The following FRMD4A variants were observed in gnomAD, a reference collection of about 807,000 sequenced individuals.
FRMD4A encodes FERM domain-containing protein 4A.
In FRMD4A, 29 loss-of-function variants were observed where a neutral mutation model predicts 129.1. The ratio of observed to expected loss-of-function variants is 0.22; its 90% CI spans 0.17 to 0.31. FRMD4A has a LOEUF of 0.31. FRMD4A is among the 10% of genes least tolerant of loss of function. The pLI is 1.00. For synonymous variants in FRMD4A, 634 were observed against 571.6 expected (o/e 1.11, Z -1.56); for missense variants, 1,272 against 1,375.8 (o/e 0.92, Z 1.19).
intron 2 of FRMD4A, among the ~76,000 whole-genome samples, chr10:13,926,533 T>C (rs2095135480): frequency 6.6e-6 from 1 of 152,210 alleles, no homozygotes; most frequent in East Asian, 1.9e-4. Flanking sequence ...AGAAGCCTGC[T>C]AGAGATTTAC....
chr10:14,185,362 G>A (rs1286090115), intron 2 of FRMD4A, among the ~76,000 whole-genome samples: 2 of 152,170 alleles, frequency 1.3e-5, no homozygotes, highest in East Asian at 3.8e-4. Flanking sequence ...AGAGATCTGT[G>A]TGTCTAAACC....
At chr10:14,191,657 G>A (rs1203637999) in intron 2 of FRMD4A, among the ~76,000 whole-genome samples, 1 of 152,218 alleles carries the variant, frequency 6.6e-6, no homozygotes, top group African/African-American at 2.4e-5. Flanking sequence ...CCAATCATCA[G>A]TCTTTAACTA....
chr10:13,746,123 C>A (rs574358895), intron 9 of FRMD4A, among the ~76,000 whole-genome samples: 1 of 152,140 alleles, frequency 6.6e-6, no homozygotes. Context: ...ACGCCAGACA[C>A]GGAAGGGAGC....
At chr10:14,176,723 C>T (rs1009591030) in intron 2 of FRMD4A, among the ~76,000 whole-genome samples, 6 of 152,074 alleles carry the variant, frequency 3.9e-5, no homozygotes, top group South Asian at 2.1e-4. Context: ...TCCACCCCCT[C>T]GGCCTCCCAA....
chr10:14,084,115 G>A (rs986566800), intron 2 of FRMD4A, among the ~76,000 whole-genome samples: 1 of 152,122 alleles, frequency 6.6e-6, no homozygotes, highest in Non-Finnish European at 1.5e-5. Flanking sequence ...GTGGCATCAT[G>A]GGGGAAAGTA....
chr10:13,891,196 AG>A (rs1362771673), intron 2 of FRMD4A, among the ~76,000 whole-genome samples: 2 of 152,174 alleles, frequency 1.3e-5, no homozygotes, highest in African/African-American at 4.8e-5. Flanking sequence ...CCATCTTAGC[AG>A]CCCCGGGCAC....
intron 2 of FRMD4A, among the ~76,000 whole-genome samples, chr10:14,211,799 G>A (rs1283587719): frequency 1.3e-5 from 2 of 152,198 alleles, no homozygotes; most frequent in African/African-American, 2.4e-5. Context: ...TCAAATTAGT[G>A]TGAAAACTGT....
intron 2 of FRMD4A, among the ~76,000 whole-genome samples, chr10:14,322,480 C>T (rs1009689214): frequency 9.9e-5 from 15 of 152,092 alleles, no homozygotes; most frequent in African/African-American, 3.6e-4. Context: ...TGGGGCAAGG[C>T]CTGAGTGAAA....
intron 6 of FRMD4A, among the ~76,000 whole-genome samples, chr10:13,777,343 A>AG (rs2130760523): frequency 6.8e-6 from 1 of 147,334 alleles, no homozygotes; most frequent in Non-Finnish European, 1.5e-5. Flanking sequence ...AGTATATATA[A>AG]AAAATTTAAA....
chr10:14,033,548 G>T (rs1162148078), intron 2 of FRMD4A, among the ~76,000 whole-genome samples: 1 of 152,180 alleles, frequency 6.6e-6, no homozygotes, highest in East Asian at 1.9e-4. Flanking sequence ...AATTTGAGAG[G>T]CTGAGGCGAG....
At chr10:13,713,986 CATATATAAT>C (rs1564672162) in intron 12 of FRMD4A, among the ~76,000 whole-genome samples, 1 of 74,080 alleles carries the variant, frequency 1.3e-5, no homozygotes, top group Admixed American at 1.8e-4. Context: ...ATGTAATATA[CATATATAAT>C]ATACATATAT....
chr10:14,185,634 C>T (rs764637450), intron 2 of FRMD4A, among the ~76,000 whole-genome samples: 3 of 152,102 alleles, frequency 2.0e-5, no homozygotes, highest in Admixed American at 6.5e-5. Flanking sequence ...ACTTCATGGT[C>T]AGAGAGCTGC....
intron 15 of FRMD4A, among the ~76,000 whole-genome samples, chr10:13,680,006 G>A (rs2084397986): frequency 6.6e-6 from 1 of 152,200 alleles, no homozygotes; most frequent in Admixed American, 6.5e-5. Context: ...CAGCAGGTTG[G>A]TTTTAAAAGG....
At chr10:14,286,180 G>C (rs1253832244) in intron 2 of FRMD4A, among the ~76,000 whole-genome samples, 1 of 152,148 alleles carries the variant, frequency 6.6e-6, no homozygotes, top group Non-Finnish European at 1.5e-5. Context: ...ATTTGTGTTT[G>C]GCTGGCTGAG....
chr10:13,680,530 G>T (rs781545460), intron 15 of FRMD4A, among the ~76,000 whole-genome samples: 1 of 152,100 alleles, frequency 6.6e-6, no homozygotes, highest in East Asian at 1.9e-4. Context: ...TTTGAGACCA[G>T]CCTGGCCAAC....
intron 2 of FRMD4A, among the ~76,000 whole-genome samples, chr10:14,087,787 C>T (rs1588947329): frequency 6.7e-6 from 1 of 150,026 alleles, no homozygotes; most frequent in Non-Finnish European, 1.5e-5. Context: ...AACAGCCTGT[C>T]GGCAGCACGG....
chr10:13,745,717 A>G (rs567647101), intron 9 of FRMD4A, among the ~76,000 whole-genome samples: 102 of 152,314 alleles, frequency 6.7e-4, no homozygotes, highest in Non-Finnish European at 1.0e-3. Context: ...AAAGGAATGA[A>G]TGAAGGGATG....
intron 2 of FRMD4A, among the ~76,000 whole-genome samples, chr10:14,209,406 G>A (rs74228026): frequency 0.019 from 2,864 of 152,162 alleles, 70 homozygotes; most frequent in East Asian, 0.093. Context: ...CTCAAGATGT[G>A]ATCATCTTGG....
intron 2 of FRMD4A, among the ~76,000 whole-genome samples, chr10:13,876,838 C>A (rs1589129204): frequency 6.6e-6 from 1 of 151,302 alleles, no homozygotes; most frequent in Admixed American, 6.6e-5. Flanking sequence ...TAGCATATAT[C>A]TTTATATATA....
Sources: gnomAD v4.1 joint callset for allele counts (sites outside exome capture counted in the v4.1 genomes callset) on GRCh38, gnomAD v4.1.1 for gene constraint, MANE v1.5 for transcripts, NCBI Gene and HGNC (gene_info 2026-07-23, HGNC 2026-07-21) for gene names.